The following ACTR1B variants were observed in gnomAD, a reference collection of about 807,000 sequenced individuals.
ACTR1B encodes actin related protein 1B, also known as beta-centractin.
A neutral mutation model predicts 49.4 loss-of-function variants in ACTR1B; 34 were observed. That is an observed-to-expected ratio of 0.69 (90% CI 0.52 to 0.92). ACTR1B has a LOEUF of 0.92. Among genes scored for constraint, ACTR1B ranks in the 40% least tolerant of loss-of-function variants. ACTR1B has a pLI of 0.00. For missense variants in ACTR1B, 471 were observed against 522.4 expected, an observed-to-expected ratio of 0.90 and a Z score of 0.96; for synonymous variants, 207 against 207.8, an observed-to-expected ratio of 1.00 and a Z score of 0.03.
Position 97,658,492 on chromosome 2 carries a change from G to A in ACTR1B, c.592C>T (p.Leu198=). Residue 198 remains leucine, a synonymous_variant, in exon 6 of 11, where the codon CTG becomes TTG. Coordinates refer to ENST00000289228, the MANE Select transcript of ACTR1B (RefSeq NM_005735.4). The surrounding 1 kb of genome is among the most constrained non-coding windows in gnomAD (Gnocchi z 5.9). ...RDVSRYLRLL[L]RKEGVDFHTS... is the part of the protein sequence containing the mutation. ...TGGAAGTCAACCCCTTCCTTGCGCA[G>A]CAGGAGTCGGAGGTAGCGGGAGACG... The A allele has an allele frequency of 1.2e-6, 2 of 1,614,190 alleles. No homozygotes were observed. The highest frequency in any genetic ancestry group is 1.7e-6 in the Non-Finnish European group (2 of 1,180,028).
rs770749832 is a variant in ACTR1B at position 97,657,956 on chromosome 2, T to A, written c.912A>T (p.Ser304=). Residue 304 remains serine, a synonymous_variant, in exon 8 of 11, where the codon TCA becomes TCT. Transcript: ENST00000289228. The part of the protein sequence containing the change: ...LFANIVLSGG[S]TLFKGFGDRL... ...AAGCCACAGTACCTTTGAAAAGCGT[T>A]GAGCCACCTGAGAGCACGATGTTGG... 6.2e-7 allele frequency: 1 copy of A among 1,614,140 alleles called. No homozygotes were observed. The highest frequency in any genetic ancestry group is 2.2e-5 in the East Asian group (1 of 44,886).
chr2:97,660,624 G>A lies in ACTR1B; in HGVS notation c.136C>T (p.Arg46Trp), dbSNP rs772561765. The change falls in exon 3 of 11, where the codon CGG becomes TGG. Residue 46 changes from arginine (R) to tryptophan (W), a missense_variant. Coordinates refer to ENST00000289228, the MANE Select transcript of ACTR1B (RefSeq NM_005735.4). ...CCCTCCAGGGCTCCAGCCATCACCC[G>A]CATGTGCTTCGGCCGCCCGACACTG... ...PNYVGRPKHM[R>W]VMAGALEGDL... 11 of 1,613,954 alleles carry A rather than the reference G, an allele frequency of 6.8e-6. No homozygotes were observed. Among genetic ancestry groups the A allele is most frequent in the East Asian group, 2.2e-5 (1 of 44,896 alleles).
rs556574923 is a variant in ACTR1B, at chr2:97,658,957, C to T, written c.362G>A (p.Arg121Gln). The T allele has an allele frequency of 2.2e-5, 36 of 1,614,146 alleles. No individual in the cohort carries two copies. The East Asian group carries it at 4.0e-4, about 18-fold the overall frequency. Residue 121 changes from arginine (R) to glutamine (Q), a missense_variant, in exon 5 of 11, where the codon CGG (arginine) becomes CAG (glutamine). Arg to Gln is a conservative substitution (Grantham distance 43, BLOSUM62 1). Transcript: ENST00000289228. The surrounding 1 kb of genome is among the most constrained non-coding windows in gnomAD (Gnocchi z 5.9). The stretch of plus-strand genomic sequence containing the variant: ...AAAGAACACCTCTGCCGCCTTCTCC[C>T]GGTTCTTACTCGGGTTGAGCGGGGC... The part of the protein sequence containing the change: ...TEAPLNPSKN[R>Q]EKAAEVFFET...
At position 97,659,078 on chromosome 2, in the gene ACTR1B, C is replaced by T. The variant is rs1284032033; in HGVS notation, c.316-75G>A. 3 of 1,601,394 alleles carry T rather than the reference C, an allele frequency of 1.9e-6. No homozygotes were observed. The highest frequency in any genetic ancestry group is 2.7e-5 in the African/African-American group (2 of 74,714). On this transcript the variant is annotated intron_variant, in intron 4 of 10. Transcript: ENST00000289228. This position sits in a 1 kb window ranked among gnomAD's most constrained non-coding sequence, Gnocchi z 4.0. ...CCCTAAAAGGCTCTTTCCAGAGAAC[C>T]ACACCCGCTGGCGCACAGGCAGCTC...
Position 97,658,079 on chromosome 2 carries a change from G to T in ACTR1B, c.789C>A (p.Phe263Leu). 6.2e-7 allele frequency: 1 copy of T among 1,614,126 alleles called. No homozygotes were observed. Among genetic ancestry groups the T allele is most frequent in the South Asian group, 1.1e-5 (1 of 91,088 alleles). ...PARFRAPELLFQPDLVGDESE... is the reference protein window; with the variant it reads ...PARFRAPELLLQPDLVGDESE... ...TCTCATCCCCGACAAGGTCCGGCTG[G>T]AACAGCAGCTCGGGGGCCCGGAATC... Residue 263 changes from phenylalanine (F) to leucine (L), a missense_variant, in exon 8 of 11, where the codon TTC becomes TTA. Coordinates refer to ENST00000289228, the MANE Select transcript of ACTR1B (RefSeq NM_005735.4). This position sits in a 1 kb window ranked among gnomAD's most constrained non-coding sequence, Gnocchi z 5.9.
At chr2:97,660,127 A>G (rs747593785) in intron 3 of ACTR1B, among the ~76,000 whole-genome samples, 60 of 151,710 alleles carry the variant, frequency 4.0e-4, no homozygotes, top group Non-Finnish European at 7.4e-4. Context: ...ACCCGACACA[A>G]TGCTCCTCAG....
Position 97,658,904 on chromosome 2 carries a change from T to A in ACTR1B, c.415A>T (p.Ile139Phe). Residue 139 changes from isoleucine (I) to phenylalanine (F), a missense_variant, in exon 5 of 11, where the codon ATC becomes TTC. Ile to Phe is a conservative substitution (Grantham distance 21). Transcript: ENST00000289228. The surrounding 1 kb of genome is among the most constrained non-coding windows in gnomAD (Gnocchi z 5.9). ...AGACTGAGCACAGCCTGCATGGAGA[T>A]GAACAGGGCCGGCACGTTGAAGGTC... ...FETFNVPALFISMQAVLSLYA... is the reference protein window; with the variant it reads ...FETFNVPALFFSMQAVLSLYA... The A allele has an allele frequency of 6.2e-7, 1 of 1,613,990 alleles. No individual in the cohort carries two copies. Among genetic ancestry groups the A allele is most frequent in the Non-Finnish European group, 8.5e-7 (1 of 1,179,994 alleles).
In ACTR1B at chr2:97,659,228, A is replaced by G. The variant is rs551179025; in HGVS notation, c.315+124T>C. 3 of 1,495,594 alleles carry G rather than the reference A, an allele frequency of 2.0e-6. No individual in the cohort carries two copies. The South Asian group carries it at 3.7e-5, about 18-fold the overall frequency. The allele number at this position is 1,495,594 out of a possible 1,614,324, so 92.6% of individuals were successfully genotyped here. A position where few individuals can be genotyped will look rare whatever the true frequency, so the allele number is the denominator to read the frequency against. ...GGTACGTATGCGCACCCAGACACACACGGAAAGGCAGCAGGCCCTCTAGAA... is the reference window on the plus strand; with the variant it reads ...GGTACGTATGCGCACCCAGACACACGCGGAAAGGCAGCAGGCCCTCTAGAA... On this transcript the variant is annotated intron_variant, in intron 4 of 10. Coordinates refer to ENST00000289228, the MANE Select transcript of ACTR1B (RefSeq NM_005735.4). This position sits in a 1 kb window ranked among gnomAD's most constrained non-coding sequence, Gnocchi z 4.0.
Position 97,658,098 on chromosome 2 carries a change from C to A in ACTR1B, c.770G>T (p.Arg257Leu). ...STLDVGPARFRAPELLFQPDL... is the reference protein window; with the variant it reads ...STLDVGPARFLAPELLFQPDL... Reference sequence around the variant, plus strand: ...CGGCTGGAACAGCAGCTCGGGGGCCCGGAATCGTGCAGGCCCCACCTTTAG... The same window carrying A: ...CGGCTGGAACAGCAGCTCGGGGGCCAGGAATCGTGCAGGCCCCACCTTTAG... Residue 257 changes from arginine (R) to leucine (L), a missense_variant, in exon 8 of 11, where the codon CGG (arginine) becomes CTG (leucine). By Grantham distance (102) the Arg-to-Leu change is moderately radical. Coordinates refer to ENST00000289228, the MANE Select transcript of ACTR1B (RefSeq NM_005735.4). The surrounding 1 kb of genome is among the most constrained non-coding windows in gnomAD (Gnocchi z 5.9). 6.2e-7 allele frequency: 1 copy of A among 1,613,984 alleles called. No individual in the cohort carries two copies. Among genetic ancestry groups the A allele is most frequent in the Non-Finnish European group, 8.5e-7 (1 of 1,180,014 alleles).
At position 97,656,303 on chromosome 2, in the gene ACTR1B, T is replaced by TG. The variant is rs1172746108; in HGVS notation, c.*554dup. ...GCCCTGGCTCTGAAGGGCCTGACCC[T>TG]GGGCTGCACCCCCTTGCTGGGGATG... On this transcript the variant is annotated 3_prime_UTR_variant, in exon 11 of 11. Transcript: ENST00000289228. The TG allele has an allele frequency of 6.3e-6, 1 of 158,990 alleles. No homozygotes were observed. Among genetic ancestry groups the TG allele is most frequent in the African/African-American group, 2.4e-5 (1 of 41,578 alleles). The allele number at this position is 158,990 out of a possible 1,614,324, so 9.8% of individuals were successfully genotyped here.
chr2:97,663,112 G>T (rs1446274875), intron 1 of ACTR1B, among the ~76,000 whole-genome samples: 1 of 152,192 alleles, frequency 6.6e-6, no homozygotes. Flanking sequence ...TCAGAGCTCG[G>T]AAGCCAGAAA....
In ACTR1B at chr2:97,657,194, TAG is replaced by T. The variant is rs759013753; in HGVS notation, c.988-4_988-3del. On this transcript the variant is annotated splice_polypyrimidine_tract_variant and splice_region_variant and intron_variant, in intron 9 of 10. Coordinates refer to ENST00000289228, the MANE Select transcript of ACTR1B (RefSeq NM_005735.4). ...CAGCCGTTCCTGCGGGGCTGAGATCTAGAAGGAGGAAGTGGCCACGTTAACTG... is the reference window on the plus strand; with the variant it reads ...CAGCCGTTCCTGCGGGGCTGAGATCTAAGGAGGAAGTGGCCACGTTAACTG... 1.2e-6 allele frequency: 2 copies of T among 1,613,150 alleles called. No homozygotes were observed. The highest frequency in any genetic ancestry group is 2.2e-5 in the South Asian group (2 of 90,998).
In ACTR1B at chr2:97,660,557, C is replaced by G; in HGVS notation, c.189+14G>C. On this transcript the variant is annotated intron_variant, in intron 3 of 10. Transcript: ENST00000289228. ...GACCCCACCCCCAGGGAAAGGCAGG[C>G]TCCTCGGTGTTACCTCTGCTTTTGG... 4 of 1,613,284 alleles carry G rather than the reference C, an allele frequency of 2.5e-6. No homozygotes were observed. The highest frequency in any genetic ancestry group is 3.4e-6 in the Non-Finnish European group (4 of 1,179,228).
Position 97,657,996 on chromosome 2 carries a change from C to T in ACTR1B, c.872G>A (p.Arg291His), listed in dbSNP as rs765908883. The T allele has an allele frequency of 4.3e-6, 7 of 1,614,168 alleles. No homozygotes were observed. The South Asian group carries it at 5.5e-5, about 13-fold the overall frequency. The change falls in exon 8 of 11, where the codon CGC becomes CAC. Residue 291 changes from arginine to histidine, a missense_variant. Arg to His is a conservative substitution (Grantham distance 29). Transcript: ENST00000289228. ...CACGATGTTGGCGAACAGCGTCCGGCGCAGGTCCATGTCGGACTTGTGTAT... is the reference window on the plus strand; with the variant it reads ...CACGATGTTGGCGAACAGCGTCCGGTGCAGGTCCATGTCGGACTTGTGTAT... ...FAIHKSDMDL[R>H]RTLFANIVLS...
chr2:97,659,675 G>C lies in ACTR1B; in HGVS notation c.190-198C>G. The C allele has an allele frequency of 1.4e-6, 1 of 694,556 alleles. No individual in the cohort carries two copies. The highest frequency in any genetic ancestry group is 2.4e-6 in the Non-Finnish European group (1 of 422,952). The allele number at this position is 694,556 out of a possible 1,614,324, so 43.0% of individuals were successfully genotyped here. A position where few individuals can be genotyped will look rare whatever the true frequency, so the allele number is the denominator to read the frequency against. ...GCTCACCTGCCCACCAGCTTCTTAGGCTCTTAGAGCCCAGCTAGCTTCAGC... is the reference window on the plus strand; with the variant it reads ...GCTCACCTGCCCACCAGCTTCTTAGCCTCTTAGAGCCCAGCTAGCTTCAGC... On this transcript the variant is annotated intron_variant, in intron 3 of 10. Coordinates refer to ENST00000289228, the MANE Select transcript of ACTR1B (RefSeq NM_005735.4). This position sits in a 1 kb window ranked among gnomAD's most constrained non-coding sequence, Gnocchi z 4.0.
At position 97,661,877 on chromosome 2, in the gene ACTR1B, C is replaced by A; in HGVS notation, c.113+5G>T. 6.3e-7 allele frequency: 1 copy of A among 1,588,172 alleles called. No individual in the cohort carries two copies. The highest frequency in any genetic ancestry group is 8.6e-7 in the Non-Finnish European group (1 of 1,165,312). On this transcript the variant is annotated splice_donor_5th_base_variant and intron_variant, in intron 2 of 10. Transcript: ENST00000289228. ...GACTAAGGCTGCTGCCTGAGCCACA[C>A]TTACTAGTTTGGGAAACAGTATTTG...
intron 3 of ACTR1B, among the ~76,000 whole-genome samples, chr2:97,660,144 A>G (rs538440808): frequency 6.6e-6 from 1 of 152,232 alleles, no homozygotes; most frequent in Admixed American, 6.5e-5. Context: ...TCAGGCGCCT[A>G]AACTGCCCTT....
intron 8 of ACTR1B, 23 bp from the exon 9 acceptor site, chr2:97,657,532 G>T (rs1674876591): frequency 6.2e-7 from 1 of 1,613,960 alleles, no homozygotes; most frequent in East Asian, 2.2e-5. Flanking sequence ...AGCTGGCTGA[G>T]CCTGGGGTCT....
At chr2:97,663,757 C>T in intron 1 of ACTR1B, 86 bp downstream of exon 1, 6 of 871,368 alleles carry the variant, frequency 6.9e-6, no homozygotes, top group Non-Finnish European at 8.9e-6. Context: ...GAGGACGCGC[C>T]GAGGCGGGCG....
Sources: allele counts gnomAD v4.1 joint callset (sites outside exome capture counted in the v4.1 genomes callset), GRCh38; gene constraint gnomAD v4.1.1; non-coding constraint Gnocchi (gnomAD v3.1); transcripts MANE v1.5; gene names NCBI Gene and HGNC (gene_info 2026-07-23, HGNC 2026-07-21).